The following SLC35F3 variants were observed in gnomAD, a reference collection of about 807,000 sequenced individuals.
SLC35F3 encodes the protein solute carrier family 35 member F3.
In SLC35F3, 25 loss-of-function variants were observed where a neutral mutation model predicts 49.9. That is an observed-to-expected ratio of 0.50 (90% confidence interval 0.37 to 0.70). The LOEUF is 0.70. Among genes scored for constraint, SLC35F3 ranks in the 30% least tolerant of loss-of-function variants. SLC35F3 has a pLI of 0.00. For missense variants in SLC35F3, 525 were observed against 639.8 expected, an observed-to-expected ratio of 0.82 and a Z score of 1.94; for synonymous variants, 275 against 265.4, an observed-to-expected ratio of 1.04 and a Z score of -0.35.
At chr1:234,001,984 A>G (rs1005022065) in intron 2 of SLC35F3, among the ~76,000 whole-genome samples, 1 of 152,240 alleles carries the variant, frequency 6.6e-6, no homozygotes, top group Non-Finnish European at 1.5e-5. Context: ...GTTTGCTCCA[A>G]TAGCTGAAAA....
chr1:234,129,185 A>T (rs1343933990), intron 2 of SLC35F3, among the ~76,000 whole-genome samples: 1 of 152,228 alleles, frequency 6.6e-6, no homozygotes, highest in Non-Finnish European at 1.5e-5. Flanking sequence ...AAAAACATAA[A>T]TAGGCACTTT....
At chr1:234,209,015 G>C (rs1667014086) in intron 2 of SLC35F3, among the ~76,000 whole-genome samples, 1 of 152,134 alleles carries the variant, frequency 6.6e-6, no homozygotes, top group African/African-American at 2.4e-5. Flanking sequence ...ATGAGTAAAA[G>C]CTGAAAAAGT....
At chr1:234,132,703 G>A (rs907750041) in intron 2 of SLC35F3, among the ~76,000 whole-genome samples, 5 of 151,980 alleles carry the variant, frequency 3.3e-5, no homozygotes, top group Non-Finnish European at 7.4e-5. Context: ...ATTTTTTATT[G>A]TTGAAATGTT....
At chr1:234,161,083 G>T (rs1004900967) in intron 2 of SLC35F3, among the ~76,000 whole-genome samples, 1 of 152,272 alleles carries the variant, frequency 6.6e-6, no homozygotes, top group East Asian at 1.9e-4. Flanking sequence ...GTGTCACCCT[G>T]CTCTCAGCAC....
At chr1:234,084,843 C>T (rs1664938052) in intron 2 of SLC35F3, among the ~76,000 whole-genome samples, 2 of 152,108 alleles carry the variant, frequency 1.3e-5, no homozygotes, top group African/African-American at 2.4e-5. Context: ...GATTGGAGCA[C>T]CTCCCTGGAT....
chr1:234,265,489 T>G (rs1050018706), intron 3 of SLC35F3, among the ~76,000 whole-genome samples: 4 of 151,962 alleles, frequency 2.6e-5, no homozygotes, highest in Non-Finnish European at 4.4e-5. Context: ...TTATTTCTGA[T>G]GCCTGTCTTT....
Position 234,202,331 on chromosome 1 carries a change from T to C in SLC35F3, c.284-29086T>C, listed in dbSNP as rs186117979. Among the ~76,000 whole-genome samples, 66 of 152,308 alleles carry C rather than the reference T, an allele frequency of 4.3e-4. 1 individual carries two copies. The highest frequency in any genetic ancestry group is 8.8e-5 in the Non-Finnish European group (6 of 68,018). ...GTGTGCAAATGCTCAGGGCCATGTT[T>C]TAAACAGTGGCAAAGAAAAAAAGTT... On this transcript the variant is annotated intron_variant, in intron 2 of 7. Transcript: ENST00000366618.
chr1:233,912,241 AG>A (rs1661886340), intron 2 of SLC35F3, among the ~76,000 whole-genome samples: 1 of 152,142 alleles, frequency 6.6e-6, no homozygotes, highest in Non-Finnish European at 1.5e-5. Flanking sequence ...ATGCTTTGGG[AG>A]GCCAAGGCGG....
At chr1:234,133,248 C>A (rs11804992) in intron 2 of SLC35F3, among the ~76,000 whole-genome samples, 59,073 of 151,954 alleles carry the variant, frequency 0.39, 13,417 homozygotes, top group Middle Eastern at 0.52. Context: ...CATTTTTCCC[C>A]AAAGAATAAT....
At chr1:234,124,117 G>T (rs1223230845) in intron 2 of SLC35F3, among the ~76,000 whole-genome samples, 1 of 152,154 alleles carries the variant, frequency 6.6e-6, no homozygotes. Flanking sequence ...AGTCTTCAGT[G>T]TTCATTTTAC....
At chr1:234,066,577 A>C (rs1354843910) in intron 2 of SLC35F3, among the ~76,000 whole-genome samples, 2 of 152,062 alleles carry the variant, frequency 1.3e-5, no homozygotes, top group Non-Finnish European at 2.9e-5. Context: ...GTTGCCTTCC[A>C]TTATGCTCCT....
intron 2 of SLC35F3, among the ~76,000 whole-genome samples, chr1:234,139,815 G>A (rs1009710345): frequency 1.1e-4 from 16 of 151,754 alleles, no homozygotes; most frequent in African/African-American, 3.4e-4. Context: ...AGGCATGGTG[G>A]CACACGCCTG....
chr1:234,157,262 C>A (rs1412302210), intron 2 of SLC35F3, among the ~76,000 whole-genome samples: 1 of 152,062 alleles, frequency 6.6e-6, no homozygotes, highest in Admixed American at 6.6e-5. Context: ...ATTGCAATGA[C>A]CTCTTAGCTC....
At chr1:234,013,640 C>G (rs574719105) in intron 2 of SLC35F3, among the ~76,000 whole-genome samples, 6 of 151,814 alleles carry the variant, frequency 4.0e-5, no homozygotes, top group African/African-American at 1.2e-4. Flanking sequence ...AATCAGAACT[C>G]AGAGAGGAGA....
intron 2 of SLC35F3, among the ~76,000 whole-genome samples, chr1:234,204,385 T>C (rs1364818291): frequency 1.3e-5 from 2 of 152,188 alleles, no homozygotes; most frequent in Non-Finnish European, 2.9e-5. Flanking sequence ...GTCTAGATCA[T>C]GTTGAAAGGT....
At chr1:234,041,477 G>A (rs1664220764) in intron 2 of SLC35F3, among the ~76,000 whole-genome samples, 1 of 151,658 alleles carries the variant, frequency 6.6e-6, no homozygotes, top group African/African-American at 2.4e-5. Context: ...AACTGCAAAG[G>A]AAGTTGTGTC....
chr1:233,939,119 A>G (rs1452028486), intron 2 of SLC35F3, among the ~76,000 whole-genome samples: 1 of 152,146 alleles, frequency 6.6e-6, no homozygotes, highest in Non-Finnish European at 1.5e-5. Flanking sequence ...AAATAAATAA[A>G]TACCACTTCT....
chr1:234,072,391 C>A (rs1196832512), intron 2 of SLC35F3, among the ~76,000 whole-genome samples: 1 of 152,242 alleles, frequency 6.6e-6, no homozygotes, highest in African/African-American at 2.4e-5. Flanking sequence ...ACTTCCTGAG[C>A]ACTCATCAGA....
intron 2 of SLC35F3, among the ~76,000 whole-genome samples, chr1:234,013,274 T>A (rs1663752504): frequency 6.6e-6 from 1 of 152,156 alleles, no homozygotes; most frequent in South Asian, 2.1e-4. Flanking sequence ...ATTTTTAAAA[T>A]TTTTGAGACA....
Sources: gnomAD v4.1 joint callset for allele counts (sites outside exome capture counted in the v4.1 genomes callset) on GRCh38, gnomAD v4.1.1 for gene constraint, MANE v1.5 for transcripts, NCBI Gene and HGNC (gene_info 2026-07-23, HGNC 2026-07-21) for gene names.